Variants in NEO1 observed in about 807,000 individuals in gnomAD.
NEO1 encodes the protein neogenin 1, also known as neogenin.
In NEO1, 63 loss-of-function variants were observed where a neutral mutation model predicts 159.7. That is an observed-to-expected ratio of 0.39 (90% CI 0.32 to 0.49). The LOEUF is 0.49. Among genes scored for constraint, NEO1 ranks in the 20% least tolerant of loss-of-function variants. NEO1 has a pLI of 0.85. For synonymous variants in NEO1, 633 were observed against 662.0 expected (o/e 0.96, Z 0.67); for missense variants, 1,615 against 1,831.0 (o/e 0.88, Z 2.15).
At chr15:73,246,521 A>G (rs1473294410) in intron 9 of NEO1, among the ~76,000 whole-genome samples, 1 of 152,086 alleles carries the variant, frequency 6.6e-6, no homozygotes, top group Non-Finnish European at 1.5e-5. Context: ...AACTTACTGT[A>G]AAAGATAGAA....
Position 73,065,576 on chromosome 15 carries a change from TTTC to T in NEO1, c.130+12777_130+12779del, listed in dbSNP as rs565394818. Among the ~76,000 whole-genome samples, 523 of 152,328 alleles carry T rather than the reference TTTC, an allele frequency of 3.4e-3. 1 individual carries two copies. Among genetic ancestry groups the T allele is most frequent in the Non-Finnish European group, 6.1e-3 (412 of 68,032 alleles). Reference sequence around the variant, plus strand: ...CTAGTAAGAAGTCAACTGTCTTATTTTTCTTCTTTTGTGAGTAATGTGCTTACC... The same window carrying T: ...CTAGTAAGAAGTCAACTGTCTTATTTTTCTTTTGTGAGTAATGTGCTTACC... On this transcript the variant is annotated intron_variant, in intron 1 of 28. Coordinates refer to ENST00000261908, the MANE Select transcript of NEO1 (RefSeq NM_002499.4).
At chr15:73,119,768 T>C (rs2071525850) in intron 2 of NEO1, among the ~76,000 whole-genome samples, 1 of 152,216 alleles carries the variant, frequency 6.6e-6, no homozygotes, top group African/African-American at 2.4e-5. Context: ...ATTCTCCATA[T>C]GTTTTTGTGA....
chr15:73,123,368 T>G (rs1170738661), intron 3 of NEO1, among the ~76,000 whole-genome samples: 1 of 152,194 alleles, frequency 6.6e-6, no homozygotes, highest in Non-Finnish European at 1.5e-5. Flanking sequence ...CTGTGTCTTT[T>G]GTCAAGCCTT....
intron 1 of NEO1, among the ~76,000 whole-genome samples, chr15:73,112,316 A>C (rs1406164691): frequency 6.6e-6 from 1 of 152,070 alleles, no homozygotes; most frequent in East Asian, 1.9e-4. Flanking sequence ...ACATAGCTTC[A>C]CCCATTTTTG....
Position 73,293,499 on chromosome 15 carries a change from A to G in NEO1, c.3852A>G (p.Pro1284=), listed in dbSNP as rs761168385. 3 of 1,614,038 alleles carry G rather than the reference A, an allele frequency of 1.9e-6. No individual in the cohort carries two copies. The highest frequency in any genetic ancestry group is 2.2e-5 in the South Asian group (2 of 91,082). ...ARSHLYHPGS[P]WPIGTSMSLS... The stretch of plus-strand genomic sequence containing the variant: ...GTCATCTCTACCACCCGGGCAGCCC[A>G]TGGCCCATTGGCACATCCATGTCCC... The change falls in exon 26 of 29, where the codon CCA becomes CCG. Residue 1284 remains proline (P), a synonymous_variant. Coordinates refer to ENST00000261908, the MANE Select transcript of NEO1 (RefSeq NM_002499.4).
intron 5 of NEO1, among the ~76,000 whole-genome samples, chr15:73,157,954 A>G (rs1369852543): frequency 1.3e-5 from 2 of 152,150 alleles, no homozygotes; most frequent in African/African-American, 2.4e-5. Context: ...GGTGGCTCAC[A>G]TCTGTAATCC....
At chr15:73,234,640 C>A (rs2039078475) in intron 7 of NEO1, among the ~76,000 whole-genome samples, 1 of 152,160 alleles carries the variant, frequency 6.6e-6, no homozygotes, top group Non-Finnish European at 1.5e-5. Flanking sequence ...TTGACACTTG[C>A]TTTAGTGAAG....
intron 1 of NEO1, among the ~76,000 whole-genome samples, chr15:73,114,568 T>C (rs566756373): frequency 6.6e-6 from 1 of 152,358 alleles, no homozygotes; most frequent in African/African-American, 2.4e-5. Flanking sequence ...TTTTCGTTGT[T>C]CAACCTGGCT....
chr15:73,252,112 C>G (rs906202063), intron 11 of NEO1, among the ~76,000 whole-genome samples: 1 of 152,196 alleles, frequency 6.6e-6, no homozygotes, highest in African/African-American at 2.4e-5. Context: ...GCTTGAGGCA[C>G]TTTGCTAGGC....
At chr15:73,289,745 C>T (rs1242347719) in intron 25 of NEO1, among the ~76,000 whole-genome samples, 1 of 152,058 alleles carries the variant, frequency 6.6e-6, no homozygotes, top group Non-Finnish European at 1.5e-5. Context: ...GAGTTCTAGA[C>T]CAGCCTGGGC....
intron 1 of NEO1, among the ~76,000 whole-genome samples, chr15:73,099,204 A>C (rs2070260678): frequency 6.6e-6 from 1 of 152,076 alleles, no homozygotes; most frequent in South Asian, 2.1e-4. Flanking sequence ...TCTTTCTTAG[A>C]TTTTAGAGGT....
chr15:73,186,448 C>T (rs1242181028), intron 7 of NEO1, among the ~76,000 whole-genome samples: 1 of 151,940 alleles, frequency 6.6e-6, no homozygotes, highest in Non-Finnish European at 1.5e-5. Flanking sequence ...GCTGACATAC[C>T]CATGCTACAA....
intron 4 of NEO1, among the ~76,000 whole-genome samples, chr15:73,128,202 A>G (rs2030563411): frequency 6.6e-6 from 1 of 151,230 alleles, no homozygotes; most frequent in Non-Finnish European, 1.5e-5. Context: ...TCCTCTTTCC[A>G]GCTAAATATT....
chr15:73,130,794 G>C (rs1268523933), intron 4 of NEO1, among the ~76,000 whole-genome samples: 1 of 152,212 alleles, frequency 6.6e-6, no homozygotes, highest in Non-Finnish European at 1.5e-5. Context: ...GGTATCAAAG[G>C]AGGCCCAGCG....
chr15:73,055,599 C>CT lies in NEO1; in HGVS notation c.130+2795dup, dbSNP rs557484359. Among the ~76,000 whole-genome samples the CT allele has an allele frequency of 2.4e-3, 363 of 152,268 alleles. 3 individuals carry two copies. Among genetic ancestry groups the CT allele is most frequent in the African/African-American group, 7.5e-3 (311 of 41,538 alleles). On this transcript the variant is annotated intron_variant, in intron 1 of 28. Coordinates refer to ENST00000261908, the MANE Select transcript of NEO1 (RefSeq NM_002499.4). ...AGTTGCCACCTGTAAGCTAAGGACT[C>CT]TCTTAGTCCACACTTTCTCACTTGC...
At chr15:73,271,605 C>T (rs764713239) in intron 18 of NEO1, among the ~76,000 whole-genome samples, 1 of 152,112 alleles carries the variant, frequency 6.6e-6, no homozygotes, top group Non-Finnish European at 1.5e-5. Context: ...AGAAATAGGG[C>T]TTTTAAAAGT....
At chr15:73,086,740 C>T (rs68123262) in intron 1 of NEO1, among the ~76,000 whole-genome samples, 19,003 of 137,490 alleles carry the variant, frequency 0.14, 2,168 homozygotes, top group African/African-American at 0.32. Context: ...AGTGCAGTGG[C>T]GCGATCTTGA....
intron 11 of NEO1, among the ~76,000 whole-genome samples, chr15:73,252,253 A>G (rs2040115929): frequency 6.6e-6 from 1 of 152,210 alleles, no homozygotes; most frequent in Non-Finnish European, 1.5e-5. Context: ...GTGGATTAGG[A>G]GAGAAGGGCT....
Position 73,126,400 on chromosome 15 carries a change from A to ATTT in NEO1, c.725-5_725-3dup. 8.4e-6 allele frequency: 11 copies of ATTT among 1,311,550 alleles called. No homozygotes were observed. Among genetic ancestry groups the ATTT allele is most frequent in the South Asian group, 2.8e-5 (2 of 70,894 alleles). The allele number at this position is 1,311,550 out of a possible 1,614,324, so 81.2% of individuals were successfully genotyped here. On this transcript the variant is annotated splice_polypyrimidine_tract_variant and intron_variant, in intron 3 of 28. Coordinates refer to ENST00000261908, the MANE Select transcript of NEO1 (RefSeq NM_002499.4). ...TGTCCTTTAATTATTGTCTTTGTTA[A>ATTT]TTTTTTTTTTTTTTAGATCCTGAGG...
Sources: allele counts gnomAD v4.1 joint callset (sites outside exome capture counted in the v4.1 genomes callset), GRCh38; gene constraint gnomAD v4.1.1; transcripts MANE v1.5; gene names NCBI Gene and HGNC (gene_info 2026-07-23, HGNC 2026-07-21).